TAOK2: variants seen among roughly 807,000 people sequenced by gnomAD.
TAOK2 encodes the protein TAO kinase 2, also known as serine/threonine-protein kinase TAO2.
TAOK2 carries 42 observed loss-of-function variants against 122.5 expected under a neutral mutation model. The observed-to-expected ratio is 0.34, with a 90% CI of 0.27 to 0.44. The LOEUF (loss-of-function observed/expected upper bound fraction) is 0.44, where lower values mean the gene tolerates loss of function less well. Ranked by LOEUF, TAOK2 falls within the 20% of genes least tolerant of loss-of-function variation. The pLI, the probability that TAOK2 is intolerant of heterozygous loss-of-function variation, is 1.00. For synonymous variants in TAOK2, 704 were observed against 677.6 expected (o/e 1.04, Z -0.61); for missense variants, 1,264 against 1,644.9 (o/e 0.77, Z 4.01).
At chr16:29,978,736 G>A in intron 4 of TAOK2, 63 bp from the exon 5 acceptor site, 1 of 1,595,476 alleles carries the variant, frequency 6.3e-7, no homozygotes, top group Non-Finnish European at 8.6e-7. Flanking sequence ...GGACAGTCAA[G>A]GAAGCTCTGT....
At chr16:29,976,945 T>C (rs1412269539) in intron 1 of TAOK2, among the ~76,000 whole-genome samples, 2 of 152,234 alleles carry the variant, frequency 1.3e-5, no homozygotes, top group African/African-American at 2.4e-5. Flanking sequence ...TGTTTCTTTA[T>C]CTGTAAGATA....
downstream of TAOK2, chr16:29,991,730 T>G: frequency 5.2e-6 from 5 of 954,552 alleles, no homozygotes; most frequent in Non-Finnish European, 7.0e-6. The surrounding 1 kb of genome is among the most constrained non-coding windows in gnomAD (Gnocchi z 5.6). Context: ...GGCTGGCCAG[T>G]GGCCCAGGGC....
chr16:29,989,483 T>C (rs2069913988), downstream of TAOK2: 16 of 1,542,080 alleles, frequency 1.0e-5, no homozygotes, highest in Non-Finnish European at 1.2e-5. Context: ...TCCTCTCCTC[T>C]TCTCTCTCTT....
In TAOK2 at chr16:29,986,176, C is replaced by G. The variant is rs1415881342; in HGVS notation, c.1993-89C>G. 2.3e-5 allele frequency: 34 copies of G among 1,492,526 alleles called. No individual in the cohort carries two copies. The highest frequency in any genetic ancestry group is 3.0e-5 in the Non-Finnish European group (34 of 1,119,624). The allele number at this position is 1,492,526 out of a possible 1,614,324, so 92.5% of individuals were successfully genotyped here. On this transcript the variant is annotated intron_variant, in intron 15 of 15. Transcript: ENST00000308893. The surrounding 1 kb of genome is among the most constrained non-coding windows in gnomAD (Gnocchi z 4.2). The stretch of plus-strand genomic sequence containing the variant: ...GGCCCTGGGCCCTGTGTTTCTTCCG[C>G]CATCCCCAGCTCCCTCTGCCAAGGA...
In TAOK2 at chr16:29,978,793, C is replaced by T. The variant is rs375918903; in HGVS notation, c.307-6C>T. 69 of 1,614,050 alleles carry T rather than the reference C, an allele frequency of 4.3e-5. No homozygotes were observed. The African/African-American group carries it at 7.9e-4, about 18-fold the overall frequency. The stretch of plus-strand genomic sequence containing the variant: ...CTCTGATCTCTGACCCTTGTCTCTT[C>T]CTTAGCTGGTAATGGAGTATTGCCT... On this transcript the variant is annotated splice_polypyrimidine_tract_variant and splice_region_variant and intron_variant, in intron 4 of 15. Coordinates refer to ENST00000308893, the MANE Select transcript of TAOK2 (RefSeq NM_016151.4).
intron 13 of TAOK2, among the ~76,000 whole-genome samples, chr16:29,984,641 T>G (rs2069724168): frequency 6.6e-6 from 1 of 152,136 alleles, no homozygotes; most frequent in Non-Finnish European, 1.5e-5. Flanking sequence ...CAATTGAGAA[T>G]GAGACCTGAG....
chr16:29,976,436 A>G (rs759614682), intron 1 of TAOK2, among the ~76,000 whole-genome samples: 1 of 152,170 alleles, frequency 6.6e-6, no homozygotes, highest in Non-Finnish European at 1.5e-5. Flanking sequence ...AAAATTAACA[A>G]CACAACAGGA....
chr16:29,978,441 G>T, intron 4 of TAOK2, 88 bp downstream of exon 4: 1 of 1,394,324 alleles, frequency 7.2e-7, no homozygotes. Context: ...GTCCCTGTTC[G>T]TGGTGCTGTT....
chr16:29,989,097 T>TA (rs775815843), downstream of TAOK2: 37 of 985,382 alleles, frequency 3.8e-5, no homozygotes, highest in Non-Finnish European at 4.1e-5. Flanking sequence ...TGTCTGTCCT[T>TA]AGTCGTGTTG....
rs375289466 is a variant in TAOK2, at chr16:29,987,793, C to T, written c.3521C>T (p.Pro1174Leu). Residue 1174 changes from proline (P) to leucine (L), a missense_variant, in exon 16 of 16, where the codon CCG becomes CTG. This residue lies in a region of TAOK2 where 824 missense variants were observed against 908.7 expected (regional missense o/e 0.91). Coordinates refer to ENST00000308893, the MANE Select transcript of TAOK2 (RefSeq NM_016151.4). ...CAGGGTTTAGCATCCCACTTGCCCC[C>T]GTGGGCCATCCACACACTGGCCAGC... ...ASQGLASHLP[P>L]WAIHTLASWG... The T allele has an allele frequency of 2.5e-5, 41 of 1,613,704 alleles. No individual in the cohort carries two copies. The highest frequency in any genetic ancestry group is 1.9e-4 in the African/African-American group (14 of 74,930).
rs200539809 is a variant in TAOK2, at chr16:29,987,590, G to A, written c.3318G>A (p.Val1106=). 2 of 1,612,512 alleles carry A rather than the reference G, an allele frequency of 1.2e-6. No individual in the cohort carries two copies. Among genetic ancestry groups the A allele is most frequent in the East Asian group, 4.5e-5 (2 of 44,830 alleles). ...GGGCCCTGCAGGGCTGTGGGGCTGT[G>A]GGGGACCGGGGTCTGTTTGCACTGT... ...AFRALQGCGA[V]GDRGLFALYP... The change falls in exon 16 of 16, where the codon GTG becomes GTA. Residue 1106 remains valine, a synonymous_variant. Transcript: ENST00000308893.
chr16:29,986,599 G>C lies in TAOK2; in HGVS notation c.2327G>C (p.Cys776Ser), dbSNP rs371212254. The change falls in exon 16 of 16, where the codon TGC becomes TCC. Residue 776 changes from cysteine to serine, a missense_variant. Physicochemically the swap from Cys to Ser is moderately radical, Grantham distance 112 (BLOSUM62 -1). Coordinates refer to ENST00000308893, the MANE Select transcript of TAOK2 (RefSeq NM_016151.4). The surrounding 1 kb of genome is among the most constrained non-coding windows in gnomAD (Gnocchi z 4.2). ...NTGTPIEQQP[C>S]SPGQEAVLDQ... ...GGCACCCCTATAGAACAGCAGCCCT[G>C]CTCACCTGGCCAGGAGGCAGTCCTG... 1.7e-5 allele frequency: 28 copies of C among 1,613,274 alleles called. No homozygotes were observed. The highest frequency in any genetic ancestry group is 2.2e-5 in the Non-Finnish European group (26 of 1,179,682).
chr16:29,975,036 G>T (rs1289879399), intron 1 of TAOK2, among the ~76,000 whole-genome samples: 2 of 152,106 alleles, frequency 1.3e-5, no homozygotes, highest in Non-Finnish European at 2.9e-5. Flanking sequence ...TGATTCCCAT[G>T]GTGGGTCTGC....
downstream of TAOK2, chr16:29,990,142 A>T (rs970788679): frequency 2.0e-5 from 5 of 254,274 alleles, no homozygotes; most frequent in African/African-American, 4.4e-5. Flanking sequence ...CCTCAAGCCC[A>T]TTTACTCAGA....
chr16:29,975,981 G>T (rs987144508), intron 1 of TAOK2, among the ~76,000 whole-genome samples: 15 of 152,176 alleles, frequency 9.9e-5, no homozygotes, highest in Non-Finnish European at 1.9e-4. Flanking sequence ...GATAGATACG[G>T]GTTTCCTCAT....
At chr16:29,991,205 C>T (rs535841208), downstream of TAOK2, 3 of 1,610,708 alleles carry the variant, frequency 1.9e-6, no homozygotes, top group Middle Eastern at 1.7e-4. This position sits in a 1 kb window ranked among gnomAD's most constrained non-coding sequence, Gnocchi z 5.6. Context: ...AAGCTGCTGC[C>T]CAGGGCTATC....
chr16:29,979,250 G>A lies in TAOK2; in HGVS notation c.505G>A (p.Asp169Asn). Reference sequence around the variant, plus strand: ...AGAGCCAGGGTTAGTGAAGCTAGGGGACTTTGGTTCTGCGTCCATCATGGC... The same window carrying A: ...AGAGCCAGGGTTAGTGAAGCTAGGGAACTTTGGTTCTGCGTCCATCATGGC... The part of the protein sequence containing the change: ...LSEPGLVKLG[D>N]FGSASIMAPA... Residue 169 changes from aspartate (D) to asparagine (N), a missense_variant, in exon 7 of 16, where the codon GAC (aspartate) becomes AAC (asparagine). Physicochemically the swap from Asp to Asn is conservative, Grantham distance 23. Transcript: ENST00000308893. This position sits in a 1 kb window ranked among gnomAD's most constrained non-coding sequence, Gnocchi z 4.1. 6.2e-7 allele frequency: 1 copy of A among 1,614,220 alleles called. No individual in the cohort carries two copies. The highest frequency in any genetic ancestry group is 8.5e-7 in the Non-Finnish European group (1 of 1,180,038).
chr16:29,989,078 G>T (rs2069902877), downstream of TAOK2: 4 of 985,232 alleles, frequency 4.1e-6, no homozygotes, highest in South Asian at 1.4e-4. Context: ...CTGGACCTGG[G>T]ACTTCCTGTG....
Position 29,985,012 on chromosome 16 carries a change from G to C in TAOK2, c.1423-201G>C. Reference sequence around the variant, plus strand: ...CTGTGCTCGCCACCTTTTATCATTCGGCCACACCAACTTGTGATGTAGATA... The same window carrying C: ...CTGTGCTCGCCACCTTTTATCATTCCGCCACACCAACTTGTGATGTAGATA... On this transcript the variant is annotated intron_variant, in intron 13 of 15. Transcript: ENST00000308893. The surrounding 1 kb of genome is among the most constrained non-coding windows in gnomAD (Gnocchi z 6.9). The C allele has an allele frequency of 3.4e-6, 2 of 584,250 alleles. No individual in the cohort carries two copies. The highest frequency in any genetic ancestry group is 5.2e-6 in the Non-Finnish European group (2 of 385,078). 36.2% of individuals were successfully genotyped at this position (584,250 alleles called of 1,614,324 possible).
Sources: gnomAD v4.1 joint callset for allele counts (sites outside exome capture counted in the v4.1 genomes callset) on GRCh38, gnomAD v4.1.1 for gene constraint, gnomAD v4.1.1 regional missense constraint, Gnocchi (gnomAD v3.1) non-coding constraint, MANE v1.5 for transcripts, NCBI Gene and HGNC (gene_info 2026-07-23, HGNC 2026-07-21) for gene names.